FDFT1: variants seen among roughly 807,000 people sequenced by gnomAD.
FDFT1 encodes the protein squalene synthase.
In FDFT1, 68 loss-of-function variants were observed where a neutral mutation model predicts 46.8. The observed-to-expected ratio is 1.45, with a 90% confidence interval of 1.19 to 1.78. The LOEUF is 1.78. Among genes scored for constraint, FDFT1 ranks in the 40% most tolerant of loss-of-function variants. The pLI is 0.00. For synonymous variants in FDFT1, 351 were observed against 185.1 expected (o/e 1.90, Z -7.28); for missense variants, 928 against 524.4 (o/e 1.77, Z -7.52).
chr8:11,836,167 AT>A (rs1586018738), intron 7 of FDFT1, among the ~76,000 whole-genome samples: 1 of 150,332 alleles, frequency 6.7e-6, no homozygotes, highest in East Asian at 2.0e-4. Flanking sequence ...AAAAAAAAAA[AT>A]CTACAATATA....
intron 7 of FDFT1, among the ~76,000 whole-genome samples, chr8:11,836,709 A>T (rs994608999): frequency 2.0e-5 from 3 of 152,246 alleles, no homozygotes; most frequent in African/African-American, 7.2e-5. Flanking sequence ...GAATTATCTC[A>T]TCACTATATA....
At chr8:11,826,495 C>A (rs1000054229) in intron 5 of FDFT1, among the ~76,000 whole-genome samples, 5 of 152,242 alleles carry the variant, frequency 3.3e-5, no homozygotes, top group African/African-American at 1.2e-4. Context: ...CCCATGTGCA[C>A]TAGCTTAACA....
chr8:11,834,201 C>A (rs1811234633), intron 7 of FDFT1, among the ~76,000 whole-genome samples: 1 of 152,182 alleles, frequency 6.6e-6, no homozygotes, highest in Non-Finnish European at 1.5e-5. Context: ...TCATGCTTCT[C>A]CAGTGCTTAG....
intron 7 of FDFT1, among the ~76,000 whole-genome samples, chr8:11,834,206 G>T (rs1811235253): frequency 6.6e-6 from 1 of 152,226 alleles, no homozygotes; most frequent in Non-Finnish European, 1.5e-5. Flanking sequence ...CTTCTCCAGT[G>T]CTTAGTGGGG....
chr8:11,821,475 C>G (rs889922254), intron 3 of FDFT1, among the ~76,000 whole-genome samples: 5 of 152,152 alleles, frequency 3.3e-5, no homozygotes, highest in Admixed American at 3.3e-4. Context: ...CCTGTAATGC[C>G]AGCTCCTGGA....
chr8:11,807,807 T>G (rs1317065670), intron 1 of FDFT1: 1 of 152,232 alleles, frequency 6.6e-6, no homozygotes, highest in African/African-American at 2.4e-5. Flanking sequence ...AGAGGCTTAA[T>G]AGGTGTCATA....
chr8:11,831,838 G>T, intron 7 of FDFT1, 168 bp downstream of exon 7: 2 of 626,604 alleles, frequency 3.2e-6, no homozygotes, highest in East Asian at 2.8e-5. Flanking sequence ...ATTCACAGGA[G>T]CCGAGCAGAT....
upstream of FDFT1, chr8:11,802,514 T>C: frequency 1.9e-6 from 1 of 519,018 alleles, no homozygotes; most frequent in Non-Finnish European, 3.7e-6. Flanking sequence ...CTCGTCGGCC[T>C]CTTTCTCGGC....
At chr8:11,802,733 A>G, upstream of FDFT1, 1 of 896,446 alleles carries the variant, frequency 1.1e-6, no homozygotes, top group Non-Finnish European at 1.8e-6. Flanking sequence ...CTGTCCGGCC[A>G]GCCCCTCGAA....
intron 3 of FDFT1, among the ~76,000 whole-genome samples, chr8:11,813,859 G>T (rs1379346038): frequency 6.6e-6 from 1 of 152,154 alleles, no homozygotes; most frequent in Non-Finnish European, 1.5e-5. Context: ...CGTATCCGGG[G>T]AACATATGAA....
chr8:11,810,064 C>G lies in FDFT1; in HGVS notation c.381+214C>G, dbSNP rs139028600. On this transcript the variant is annotated intron_variant, in intron 3 of 7. Transcript: ENST00000220584. ...CACTTACTAAACTGTTGGTTACTTA[C>G]AAAGACTCTCTGTGCCTCAGTTTCT... 1,020 of 519,116 alleles carry G rather than the reference C, an allele frequency of 2.0e-3. 8 individuals are homozygous for G. Among genetic ancestry groups the G allele is most frequent in the African/African-American group, 0.018 (933 of 52,364 alleles). The allele number at this position is 519,116 out of a possible 1,614,324, so 32.2% of individuals were successfully genotyped here.
At chr8:11,809,534 C>A in intron 2 of FDFT1, 133 bp from the exon 3 acceptor site, 1 of 1,289,306 alleles carries the variant, frequency 7.8e-7, no homozygotes. Flanking sequence ...GTATGAAAAG[C>A]GTTGGATATC....
intron 3 of FDFT1, among the ~76,000 whole-genome samples, chr8:11,820,084 C>G (rs1047990921): frequency 2.0e-5 from 3 of 152,094 alleles, no homozygotes; most frequent in Non-Finnish European, 4.4e-5. Context: ...GTTAGTTTTC[C>G]TTCTAACAGA....
intron 1 of FDFT1, chr8:11,803,176 G>T: frequency 7.1e-7 from 1 of 1,418,286 alleles, no homozygotes; most frequent in Non-Finnish European, 9.3e-7. Flanking sequence ...CGTGGTTCCC[G>T]GTGGTTGCGC....
chr8:11,803,518 G>A (rs1395444323), intron 1 of FDFT1: 35 of 1,206,990 alleles, frequency 2.9e-5, no homozygotes, highest in Non-Finnish European at 3.4e-5. Flanking sequence ...GTTGGTGGAA[G>A]GTCAGAACTT....
At chr8:11,797,655 A>AAG (rs1585821964), upstream of FDFT1, among the ~76,000 whole-genome samples, 2 of 151,698 alleles carry the variant, frequency 1.3e-5, no homozygotes, top group East Asian at 3.9e-4. Flanking sequence ...AAAAAAAAAA[A>AAG]AAAAAGAAAC....
chr8:11,809,415 C>T, intron 2 of FDFT1: 2 of 1,222,126 alleles, frequency 1.6e-6, no homozygotes, highest in Non-Finnish European at 1.0e-6. Context: ...TGGTTAAATG[C>T]AACTCACTTC....
intron 3 of FDFT1, among the ~76,000 whole-genome samples, chr8:11,810,681 G>A (rs920746727): frequency 4.6e-5 from 7 of 152,036 alleles, no homozygotes; most frequent in Admixed American, 3.3e-4. Flanking sequence ...CCTAGAATTC[G>A]CATGTCTTAT....
chr8:11,799,385 A>C (rs1349842246), upstream of FDFT1, among the ~76,000 whole-genome samples: 2 of 152,210 alleles, frequency 1.3e-5, no homozygotes, highest in African/African-American at 4.8e-5. Context: ...TAGCTGCTGG[A>C]GAAAAAGAAG....
Sources: allele counts gnomAD v4.1 joint callset (sites outside exome capture counted in the v4.1 genomes callset), GRCh38; gene constraint gnomAD v4.1.1; transcripts MANE v1.5; gene names NCBI Gene and HGNC (gene_info 2026-07-23, HGNC 2026-07-21).